The following NOS2 variants were observed in gnomAD, a reference collection of about 807,000 sequenced individuals.
The protein encoded by NOS2 is nitric oxide synthase 2.
NOS2 carries 96 observed loss-of-function variants against 136.0 expected under a neutral mutation model. The ratio of observed to expected loss-of-function variants is 0.71; its 90% CI spans 0.60 to 0.84. The LOEUF (loss-of-function observed/expected upper bound fraction) is 0.84, where lower values mean the gene tolerates loss of function less well. Among genes scored for constraint, NOS2 ranks in the 40% least tolerant of loss-of-function variants. NOS2 has a pLI of 0.00. For missense variants in NOS2, 1,237 were observed against 1,496.9 expected, an observed-to-expected ratio of 0.83 and a Z score of 2.87; for synonymous variants, 539 against 587.5, an observed-to-expected ratio of 0.92 and a Z score of 1.20.
At position 27,774,275 on chromosome 17, in the gene NOS2, G is replaced by A; in HGVS notation, c.1458C>T (p.Ser486=). The A allele has an allele frequency of 6.6e-7, 1 of 1,519,410 alleles. No individual in the cohort carries two copies. Among genetic ancestry groups the A allele is most frequent in the Non-Finnish European group, 8.8e-7 (1 of 1,134,396 alleles). 94.1% of individuals were successfully genotyped at this position (1,519,410 alleles called of 1,614,324 possible). A position where few individuals can be genotyped will look rare whatever the true frequency, so the allele number is the denominator to read the frequency against. The change falls in exon 12 of 27, where the codon TCC becomes TCT. Residue 486 remains serine, a synonymous_variant. Transcript: ENST00000313735. ...CCCTAACCTGATAGTAGTAGAAAGG[G>A]GACAGGACGTAGTTCAGCATCTCCT... The part of the protein sequence containing the change: ...FHQEMLNYVL[S]PFYYYQVEAW...
At chr17:27,774,710 G>A (rs1908609339) in intron 11 of NOS2, among the ~76,000 whole-genome samples, 1 of 152,232 alleles carries the variant, frequency 6.6e-6, no homozygotes, top group Non-Finnish European at 1.5e-5. Context: ...TTAAGTCTTT[G>A]AGGGCAATAT....
At chr17:27,770,028 C>T (rs1908440966) in intron 15 of NOS2, among the ~76,000 whole-genome samples, 1 of 152,328 alleles carries the variant, frequency 6.6e-6, no homozygotes, top group South Asian at 2.1e-4. Flanking sequence ...GCAGAACTAG[C>T]GTCAAATCCC....
chr17:27,795,392 C>T (rs1330665723), intron 2 of NOS2, among the ~76,000 whole-genome samples: 4 of 152,236 alleles, frequency 2.6e-5, no homozygotes, highest in Admixed American at 6.5e-5. Flanking sequence ...ATTATTGACA[C>T]AGTACTAAGG....
chr17:27,773,451 C>G (rs2151328916), intron 12 of NOS2, among the ~76,000 whole-genome samples: 1 of 152,356 alleles, frequency 6.6e-6, no homozygotes, highest in Non-Finnish European at 1.5e-5. Flanking sequence ...CGGCATGGAG[C>G]CTGCACATCG....
intron 12 of NOS2, 50 bp downstream of exon 12, chr17:27,774,205 CAT>C (rs979103390): frequency 3.0e-6 from 4 of 1,342,080 alleles, no homozygotes; most frequent in South Asian, 1.8e-5. Flanking sequence ...CACACACACA[CAT>C]ACAGCCACAT....
chr17:27,765,962 C>T (rs560445216), intron 19 of NOS2, among the ~76,000 whole-genome samples: 2 of 152,194 alleles, frequency 1.3e-5, no homozygotes, highest in Admixed American at 6.5e-5. Flanking sequence ...TGGAGCCCCC[C>T]GAGGGCTTGG....
intron 11 of NOS2, among the ~76,000 whole-genome samples, chr17:27,775,654 G>T (rs145784022): frequency 1.3e-5 from 2 of 152,126 alleles, no homozygotes; most frequent in Non-Finnish European, 2.9e-5. Flanking sequence ...GGTGGCACAT[G>T]CCAGTGTTCT....
rs1267994800 is a variant in NOS2 at position 27,760,731 on chromosome 17, G to A, written c.2902C>T (p.His968Tyr). 33 of 1,549,656 alleles carry A rather than the reference G, an allele frequency of 2.1e-5. No homozygotes were observed. The highest frequency in any genetic ancestry group is 2.9e-5 in the Non-Finnish European group (33 of 1,146,952). ...GGATGGGAGGGATCCTCGGGGAGGTGGAAGCCGCTGGCACTGAAGAGGACA... is the reference window on the plus strand; with the variant it reads ...GGATGGGAGGGATCCTCGGGGAGGTAGAAGCCGCTGGCACTGAAGAGGACA... The part of the protein sequence containing the change: ...PCFVRNASGF[H>Y]LPEDPSHPCI... The change falls in exon 24 of 27, where the codon CAC becomes TAC. Residue 968 changes from histidine (H) to tyrosine (Y), a missense_variant. His to Tyr is a moderately conservative substitution (Grantham distance 83). Coordinates refer to ENST00000313735, the MANE Select transcript of NOS2 (RefSeq NM_000625.4).
Position 27,761,162 on chromosome 17 carries a change from A to G in NOS2, c.2870T>C (p.Val957Ala), listed in dbSNP as rs1321917524. ...WLNSLKPQDP[V>A]PCFVRNASGF... ...TGCTTACTTCCGCACAAAGCAGGGC[A>G]CTGGGTCTTGGGGCTTCAGGCTGTT... is the stretch of plus-strand genomic sequence containing the variant. The change falls in exon 23 of 27, where the codon GTG becomes GCG. Residue 957 changes from valine (V) to alanine (A), a missense_variant. Physicochemically the swap from Val to Ala is moderately conservative, Grantham distance 64 (BLOSUM62 0). This residue lies in a region of NOS2 where 782 missense variants were observed against 909.9 expected (regional missense o/e 0.86). Coordinates refer to ENST00000313735, the MANE Select transcript of NOS2 (RefSeq NM_000625.4). The G allele has an allele frequency of 6.2e-7, 1 of 1,606,096 alleles. No homozygotes were observed. Among genetic ancestry groups the G allele is most frequent in the South Asian group, 1.1e-5 (1 of 89,632 alleles).
Position 27,789,559 on chromosome 17 carries a change from G to A in NOS2, c.195+45C>T, listed in dbSNP as rs751284545. 4 of 1,433,604 alleles carry A rather than the reference G, an allele frequency of 2.8e-6. No homozygotes were observed. In the Admixed American group the frequency reaches 6.7e-5, roughly 24 times the overall value. The allele number at this position is 1,433,604 out of a possible 1,614,324, so 88.8% of individuals were successfully genotyped here. On this transcript the variant is annotated intron_variant, in intron 3 of 26. Transcript: ENST00000313735. ...CAGGCTGCTATGTCTGCATCTGCCT[G>A]GACCAGGGAGGAAGGGGCTTCCCAC...
intron 11 of NOS2, among the ~76,000 whole-genome samples, chr17:27,775,668 A>G (rs1399425054): frequency 6.6e-6 from 1 of 151,940 alleles, no homozygotes; most frequent in African/African-American, 2.4e-5. Context: ...GTGTTCTCAG[A>G]TATGTGGGAG....
chr17:27,793,539 T>C (rs1567643578), intron 2 of NOS2: 2 of 396,656 alleles, frequency 5.0e-6, no homozygotes, highest in Non-Finnish European at 8.9e-6. Flanking sequence ...CCGCCCGGGC[T>C]CGGAGCCCAC....
intron 2 of NOS2, among the ~76,000 whole-genome samples, chr17:27,791,152 T>C (rs979644090): frequency 6.6e-6 from 1 of 152,220 alleles, no homozygotes; most frequent in Non-Finnish European, 1.5e-5. Flanking sequence ...AGATACTGTC[T>C]TAAAAGAGGA....
chr17:27,768,294 G>T lies in NOS2; in HGVS notation c.2035-457C>A, dbSNP rs1462479388. 2.6e-5 allele frequency among the ~76,000 whole-genome samples: 4 copies of T among 152,234 alleles called. No homozygotes were observed. In the East Asian group the frequency reaches 5.8e-4, roughly 22 times the overall value. Reference sequence around the variant, plus strand: ...TCAAGCTCCTGGGCTCAAGCAATCTGCCCACCTCAGCCTCCTAAAGTGCTT... The same window carrying T: ...TCAAGCTCCTGGGCTCAAGCAATCTTCCCACCTCAGCCTCCTAAAGTGCTT... On this transcript the variant is annotated intron_variant, in intron 17 of 26. Coordinates refer to ENST00000313735, the MANE Select transcript of NOS2 (RefSeq NM_000625.4).
In NOS2 at chr17:27,794,437, C is replaced by G. The variant is rs551678705; in HGVS notation, c.110+4263G>C. Among the ~76,000 whole-genome samples the G allele has an allele frequency of 2.0e-5, 3 of 152,288 alleles. 1 individual carries two copies. The highest frequency in any genetic ancestry group is 2.0e-4 in the Admixed American group (3 of 15,306). The stretch of plus-strand genomic sequence containing the variant: ...GACTTTGCTCCGCCTGTAAGGTGCT[C>G]CTTATCTCAAGCAAGATAACAGGTA... On this transcript the variant is annotated intron_variant, in intron 2 of 26. Coordinates refer to ENST00000313735, the MANE Select transcript of NOS2 (RefSeq NM_000625.4).
At position 27,781,067 on chromosome 17, in the gene NOS2, C is replaced by T. The variant is rs1278568059; in HGVS notation, c.833G>A (p.Arg278Lys). The change falls in exon 8 of 27, where the codon AGA (arginine) becomes AAA (lysine). Residue 278 changes from arginine (R) to lysine (K), a missense_variant. Arg to Lys is a conservative substitution (Grantham distance 26). This residue lies in a region of NOS2 where 440 missense variants were observed against 545.4 expected (regional missense o/e 0.81). Coordinates refer to ENST00000313735, the MANE Select transcript of NOS2 (RefSeq NM_000625.4). ...AGYQMPDGSI[R>K]GDPANVEFTQ... ...GAATTCCACGTTGGCAGGGTCCCCT[C>T]TGATGCTGCCATCTGGCATCTGGTA... The T allele has an allele frequency of 1.9e-6, 3 of 1,613,894 alleles. No homozygotes were observed. Among genetic ancestry groups the T allele is most frequent in the Admixed American group, 1.7e-5 (1 of 60,022 alleles).
chr17:27,760,233 T>G (rs1197743270), intron 24 of NOS2, 55 bp from the exon 25 acceptor site: 1 of 1,487,590 alleles, frequency 6.7e-7, no homozygotes, highest in Non-Finnish European at 8.9e-7. Flanking sequence ...GCGCCAGGGC[T>G]CCAAGCCCAA....
Position 27,759,029 on chromosome 17 carries a change from A to C in NOS2, c.3206T>G (p.Leu1069Arg). 1 of 1,609,756 alleles carries C rather than the reference A, an allele frequency of 6.2e-7. No individual in the cohort carries two copies. The change falls in exon 26 of 27, where the codon CTC (leucine) becomes CGC (arginine). Residue 1069 changes from leucine (L) to arginine (R), a missense_variant. Leu to Arg is a moderately radical substitution (Grantham distance 102). Coordinates refer to ENST00000313735, the MANE Select transcript of NOS2 (RefSeq NM_000625.4). ...GCCTGGCTCCTTGTGGAGCACACGG[A>C]GCACCTCGCTGGCCAGCTGCTGCCG... The part of the protein sequence containing the change: ...ILRQQLASEV[L>R]RVLHKEPGHL...
rs1908221436 is a variant in NOS2 at position 27,764,096 on chromosome 17, T to G, written c.2477A>C (p.Gln826Pro). Reference sequence around the variant, plus strand: ...GATGTCCAGGAAGTAGGTGAGGGCCTGGCTGAGTGAGCAGGGGGGCAGCCT... The same window carrying G: ...GATGTCCAGGAAGTAGGTGAGGGCCGGGCTGAGTGAGCAGGGGGGCAGCCT... The part of the protein sequence containing the change: ...DKRLPPCSLS[Q>P]ALTYFLDITT... Residue 826 changes from glutamine (Q) to proline (P), a missense_variant, in exon 21 of 27, where the codon CAG becomes CCG. Gln to Pro is a moderately conservative substitution (Grantham distance 76). Transcript: ENST00000313735. 6.2e-7 allele frequency: 1 copy of G among 1,605,884 alleles called. No homozygotes were observed. Among genetic ancestry groups the G allele is most frequent in the African/African-American group, 1.3e-5 (1 of 74,346 alleles).
Sources: allele counts gnomAD v4.1 joint callset (sites outside exome capture counted in the v4.1 genomes callset), GRCh38; gene constraint gnomAD v4.1.1; regional missense constraint gnomAD v4.1.1; transcripts MANE v1.5; gene names NCBI Gene and HGNC (gene_info 2026-07-23, HGNC 2026-07-21).